ANO2: variants seen among roughly 807,000 people sequenced by gnomAD.
The protein encoded by ANO2 is anoctamin-2.
A neutral mutation model predicts 124.2 loss-of-function variants in ANO2; 101 were observed. That is an observed-to-expected ratio of 0.81 (90% CI 0.69 to 0.96). The LOEUF (loss-of-function observed/expected upper bound fraction) is 0.96, where lower values mean the gene tolerates loss of function less well. Ranked by LOEUF, ANO2 falls within the 40% of genes least tolerant of loss-of-function variation. The pLI is 0.00. For missense variants in ANO2, 1,293 were observed against 1,274.5 expected (o/e 1.01, Z -0.22); for synonymous variants, 486 against 482.5 (o/e 1.01, Z -0.09).
intron 14 of ANO2, among the ~76,000 whole-genome samples, chr12:5,655,115 A>G (rs1947093261): frequency 1.3e-5 from 2 of 151,906 alleles, no homozygotes; most frequent in African/African-American, 4.8e-5. Flanking sequence ...TCTCCCACTC[A>G]TTACATAACC....
chr12:5,629,086 A>G (rs1247321136), intron 16 of ANO2, among the ~76,000 whole-genome samples: 2 of 152,126 alleles, frequency 1.3e-5, no homozygotes, highest in East Asian at 3.9e-4. Flanking sequence ...AAAAACCTTG[A>G]CTTGACTAAT....
At chr12:5,748,906 C>T (rs371864494) in intron 11 of ANO2, among the ~76,000 whole-genome samples, 11 of 140,216 alleles carry the variant, frequency 7.8e-5, no homozygotes, top group East Asian at 7.0e-4. Context: ...AAACACTTGA[C>T]AATTGATACT....
chr12:5,823,493 G>T (rs1953868892), intron 7 of ANO2, among the ~76,000 whole-genome samples: 1 of 152,232 alleles, frequency 6.6e-6, no homozygotes. Context: ...GCTCCAAAAT[G>T]ATCTCCTTTG....
At chr12:5,869,304 C>T (rs1235834647) in intron 3 of ANO2, among the ~76,000 whole-genome samples, 3 of 152,272 alleles carry the variant, frequency 2.0e-5, no homozygotes, top group South Asian at 4.1e-4. Context: ...CTTCTGTGCT[C>T]GGCAGGGTCA....
intron 14 of ANO2, among the ~76,000 whole-genome samples, chr12:5,685,385 C>T (rs1948661839): frequency 6.6e-6 from 1 of 152,150 alleles, no homozygotes; most frequent in African/African-American, 2.4e-5. Flanking sequence ...GGGCAAGGTC[C>T]CAAGACAGCT....
At chr12:5,807,917 G>A (rs550411840) in intron 7 of ANO2, among the ~76,000 whole-genome samples, 15 of 152,244 alleles carry the variant, frequency 9.9e-5, no homozygotes, top group Middle Eastern at 3.4e-3. Context: ...GGCTTTCGGG[G>A]GTCCCTGGAG....
chr12:5,820,616 C>T (rs960876983), intron 7 of ANO2, among the ~76,000 whole-genome samples: 7 of 152,206 alleles, frequency 4.6e-5, no homozygotes, highest in Admixed American at 3.9e-4. Flanking sequence ...TTAGAGCTGG[C>T]TCTACCTAGA....
intron 14 of ANO2, among the ~76,000 whole-genome samples, chr12:5,691,274 G>A (rs1948924882): frequency 7.4e-6 from 1 of 135,280 alleles, no homozygotes; most frequent in Non-Finnish European, 1.5e-5. Flanking sequence ...GTTGCAGTGA[G>A]CCGAGATCGC....
intron 14 of ANO2, among the ~76,000 whole-genome samples, chr12:5,732,288 C>T (rs2137066799): frequency 6.6e-6 from 1 of 152,200 alleles, no homozygotes; most frequent in African/African-American, 2.4e-5. Flanking sequence ...CCTGCCCTCC[C>T]ATTTTGACCA....
chr12:5,688,244 T>A lies in ANO2; in HGVS notation c.1546-40443A>T, dbSNP rs193130819. The stretch of plus-strand genomic sequence containing the variant: ...ATTCTCTTGGGGAATGGGGATGGCT[T>A]TGGAATGTGCAGTGCTTTGGGAAAT... On this transcript the variant is annotated intron_variant, in intron 14 of 24. Coordinates refer to ENST00000682330, the MANE Select transcript of ANO2 (RefSeq NM_001364791.2). Among the ~76,000 whole-genome samples, 435 of 152,252 alleles carry A rather than the reference T, an allele frequency of 2.9e-3. 1 individual carries two copies. Among genetic ancestry groups the A allele is most frequent in the African/African-American group, 0.01 (419 of 41,548 alleles).
chr12:5,636,571 G>A lies in ANO2; in HGVS notation c.1621-1224C>T, dbSNP rs1021621147. 1.3e-5 allele frequency among the ~76,000 whole-genome samples: 2 copies of A among 149,828 alleles called. No individual in the cohort carries two copies. The highest frequency in any genetic ancestry group is 1.5e-5 in the Non-Finnish European group (1 of 67,500). On this transcript the variant is annotated intron_variant, in intron 15 of 24. Transcript: ENST00000682330. This position sits in a 1 kb window ranked among gnomAD's most constrained non-coding sequence, Gnocchi z 4.6. Reference sequence around the variant, plus strand: ...AACGTAGGGAGAGAAAACAGCAGGTGGAAGGCTCCCTGAAAAAATAAGCTG... The same window carrying A: ...AACGTAGGGAGAGAAAACAGCAGGTAGAAGGCTCCCTGAAAAAATAAGCTG...
intron 14 of ANO2, among the ~76,000 whole-genome samples, chr12:5,694,262 A>AGAGAGAGG (rs1949070907): frequency 6.6e-6 from 1 of 151,572 alleles, no homozygotes; most frequent in Admixed American, 6.6e-5. Flanking sequence ...AGAGAGAGAG[A>AGAGAGAGG]GAGAGAGAGA....
intron 4 of ANO2, 113 bp downstream of exon 4, chr12:5,853,930 G>T: frequency 3.5e-6 from 1 of 287,316 alleles, no homozygotes; most frequent in South Asian, 6.9e-5. Context: ...CCCTGGGGAA[G>T]CAAGTGTGAT....
chr12:5,926,863 T>G (rs1049540248), intron 1 of ANO2, among the ~76,000 whole-genome samples: 2 of 152,182 alleles, frequency 1.3e-5, no homozygotes, highest in African/African-American at 2.4e-5. Context: ...AGACAAACCC[T>G]TTCTCTGAGC....
intron 3 of ANO2, among the ~76,000 whole-genome samples, chr12:5,865,042 C>A (rs1187471718): frequency 6.6e-6 from 1 of 152,148 alleles, no homozygotes; most frequent in East Asian, 1.9e-4. Flanking sequence ...TACTTTTCTT[C>A]CAACCTCAAG....
chr12:5,640,636 A>C (rs1393909560), intron 15 of ANO2, among the ~76,000 whole-genome samples: 1 of 152,248 alleles, frequency 6.6e-6, no homozygotes, highest in Non-Finnish European at 1.5e-5. Flanking sequence ...GCTCATCATC[A>C]CTGGTCATCA....
At chr12:5,945,271 T>C (rs1197906816), upstream of ANO2, 5 of 1,262,794 alleles carry the variant, frequency 4.0e-6, no homozygotes, top group South Asian at 1.3e-5. Context: ...GGCAGGCTTA[T>C]GCCGCCGCGG....
intron 7 of ANO2, among the ~76,000 whole-genome samples, chr12:5,810,398 G>T (rs1311236665): frequency 6.6e-6 from 1 of 152,182 alleles, no homozygotes; most frequent in Non-Finnish European, 1.5e-5. Flanking sequence ...TTAAAAAAGA[G>T]TCCCTGCTTT....
chr12:5,757,777 C>T (rs1397373203), intron 10 of ANO2, among the ~76,000 whole-genome samples: 1 of 152,098 alleles, frequency 6.6e-6, no homozygotes, highest in Non-Finnish European at 1.5e-5. Flanking sequence ...CCAGGGAAAA[C>T]TGGGATATGT....
Sources: allele counts gnomAD v4.1 joint callset (sites outside exome capture counted in the v4.1 genomes callset), GRCh38; gene constraint gnomAD v4.1.1; non-coding constraint Gnocchi (gnomAD v3.1); transcripts MANE v1.5; gene names NCBI Gene and HGNC (gene_info 2026-07-23, HGNC 2026-07-21).